RRM1: variants seen among roughly 807,000 people sequenced by gnomAD.
The protein encoded by RRM1 is ribonucleotide reductase catalytic subunit M1, also known as ribonucleoside-diphosphate reductase large subunit.
A neutral mutation model predicts 101.5 loss-of-function variants in RRM1; 19 were observed. That is an observed-to-expected ratio of 0.19 (90% CI 0.13 to 0.27). The LOEUF is 0.27. Ranked by LOEUF, RRM1 falls within the 10% of genes least tolerant of loss-of-function variation. RRM1 has a pLI of 1.00. For synonymous variants in RRM1, 298 were observed against 323.4 expected, an observed-to-expected ratio of 0.92 and a Z score of 0.84; for missense variants, 500 against 962.9, an observed-to-expected ratio of 0.52 and a Z score of 6.36.
In RRM1 at chr11:4,105,968, T is replaced by C. The variant is rs946704347; in HGVS notation, c.109-78T>C. On this transcript the variant is annotated intron_variant, in intron 2 of 18. Transcript: ENST00000300738. ...CATGTACTACCACACCTGGCCATGATGGTTTTCTTAATTACTCTTTTAAGG... is the reference window on the plus strand; with the variant it reads ...CATGTACTACCACACCTGGCCATGACGGTTTTCTTAATTACTCTTTTAAGG... The C allele has an allele frequency of 4.0e-6, 5 of 1,246,196 alleles. No individual in the cohort carries two copies. The African/African-American group carries it at 6.0e-5, about 15-fold the overall frequency. 77.2% of individuals were successfully genotyped at this position (1,246,196 alleles called of 1,614,324 possible).
intron 1 of RRM1, among the ~76,000 whole-genome samples, 182 bp downstream of exon 1, chr11:4,095,213 T>G (rs1178503485): frequency 6.6e-6 from 1 of 151,688 alleles, no homozygotes; most frequent in Non-Finnish European, 1.5e-5. Flanking sequence ...GCCCCGAACC[T>G]CCTTCGGGCC....
chr11:4,120,092 A>T (rs772280049), intron 9 of RRM1, 164 bp downstream of exon 9: 1 of 527,884 alleles, frequency 1.9e-6, no homozygotes, highest in Non-Finnish European at 3.4e-6. Context: ...CTTTAAATGT[A>T]CAGTTTGATG....
In RRM1 at chr11:4,095,037, G is replaced by GA; in HGVS notation, c.19+6_19+7insA. 5 of 1,569,156 alleles carry GA rather than the reference G, an allele frequency of 3.2e-6. No individual in the cohort carries two copies. The highest frequency in any genetic ancestry group is 4.3e-6 in the Non-Finnish European group (5 of 1,157,250). The stretch of plus-strand genomic sequence containing the variant: ...GATGCATGTGATCAAGCGAGGTGAG[G>GA]GGGGGACGAGGTGGGCGAGAAGGAA... On this transcript the variant is annotated splice_region_variant and intron_variant, in intron 1 of 18. Transcript: ENST00000300738.
intron 5 of RRM1, among the ~76,000 whole-genome samples, chr11:4,111,265 G>T (rs2094565113): frequency 6.6e-6 from 1 of 151,816 alleles, no homozygotes; most frequent in Admixed American, 6.6e-5. Context: ...AAAAAAATTA[G>T]CTGGGCCTGG....
intron 7 of RRM1, among the ~76,000 whole-genome samples, chr11:4,115,473 A>G (rs2094571574): frequency 6.6e-6 from 1 of 151,844 alleles, no homozygotes; most frequent in African/African-American, 2.4e-5. Context: ...AGCAAGGAAC[A>G]GATTCTCCCT....
At chr11:4,116,309 T>C (rs935132272) in intron 7 of RRM1, 1 of 152,238 alleles carries the variant, frequency 6.6e-6, no homozygotes, top group Non-Finnish European at 1.5e-5. Context: ...GTCCAATCAC[T>C]GTGAACCAAA....
intron 2 of RRM1, among the ~76,000 whole-genome samples, 183 bp from the exon 3 acceptor site, chr11:4,105,863 C>CT (rs1281771559): frequency 2.6e-4 from 38 of 147,490 alleles, no homozygotes; most frequent in African/African-American, 5.7e-4. Context: ...CAACGCCTGG[C>CT]TTTTTTTTTT....
intron 15 of RRM1, among the ~76,000 whole-genome samples, chr11:4,130,312 T>TA: frequency 6.6e-6 from 1 of 151,872 alleles, no homozygotes; most frequent in East Asian, 1.9e-4. Flanking sequence ...AGATAAGACT[T>TA]GTTAATGGTG....
At chr11:4,129,289 A>G in intron 15 of RRM1, 139 bp downstream of exon 15, 3 of 524,560 alleles carry the variant, frequency 5.7e-6, no homozygotes, top group Non-Finnish European at 1.0e-5. Flanking sequence ...ATCTCACAAA[A>G]CTATTTTGGG....
At position 4,119,826 on chromosome 11, in the gene RRM1, A is replaced by G. The variant is rs367881687; in HGVS notation, c.793-19A>G. 2.3e-5 allele frequency: 35 copies of G among 1,516,144 alleles called. No individual in the cohort carries two copies. The African/African-American group carries it at 2.3e-4, about 10-fold the overall frequency. 93.9% of individuals were successfully genotyped at this position (1,516,144 alleles called of 1,614,324 possible). A position where few individuals can be genotyped will look rare whatever the true frequency, so the allele number is the denominator to read the frequency against. On this transcript the variant is annotated intron_variant, in intron 8 of 18. Transcript: ENST00000300738. ...TTGCTGAGTGCCCTCTGTCATTTCT[A>G]TCATGGTCTCTCTTTTAGACTAATG...
chr11:4,115,040 A>G (rs1033580761), intron 7 of RRM1, among the ~76,000 whole-genome samples: 3 of 152,158 alleles, frequency 2.0e-5, no homozygotes, highest in Admixed American at 1.3e-4. Context: ...ATTTCTCTAA[A>G]ACATGATTAA....
chr11:4,117,806 T>C (rs1234278658), intron 7 of RRM1, among the ~76,000 whole-genome samples: 1 of 152,228 alleles, frequency 6.6e-6, no homozygotes, highest in Non-Finnish European at 1.5e-5. Context: ...TAGAGTAAGG[T>C]TCCTGAGGTG....
intron 1 of RRM1, among the ~76,000 whole-genome samples, chr11:4,101,565 C>CAA (rs1565178678): frequency 0.021 from 680 of 32,288 alleles, 135 homozygotes; most frequent in African/African-American, 0.035. Context: ...CCACACCCCC[C>CAA]CCCGCTCCCT....
chr11:4,099,704 T>C, intron 1 of RRM1, among the ~76,000 whole-genome samples: 1 of 152,098 alleles, frequency 6.6e-6, no homozygotes, highest in Non-Finnish European at 1.5e-5. Context: ...GAGGATAATG[T>C]AGGCAGTGAG....
Position 4,111,932 on chromosome 11 carries a change from G to A in RRM1, c.520G>A (p.Val174Ile). 1 of 1,614,076 alleles carries A rather than the reference G, an allele frequency of 6.2e-7. No homozygotes were observed. The highest frequency in any genetic ancestry group is 8.5e-7 in the Non-Finnish European group (1 of 1,179,958). Residue 174 changes from valine (V) to isoleucine (I), a missense_variant, in exon 7 of 19, where the codon GTA (valine) becomes ATA (isoleucine). By Grantham distance (29) the Val-to-Ile change is conservative. Around this residue, in one of 9 missense-constraint regions of RRM1, gnomAD observed 111 missense variants for 219.8 expected, o/e 0.51. Coordinates refer to ENST00000300738, the MANE Select transcript of RRM1 (RefSeq NM_001033.5). ...AAGACCACAACATATGTTGATGAGA[G>A]TATCTGTTGGGATCCACAAAGAAGA... The part of the protein sequence containing the change: ...AERPQHMLMR[V>I]SVGIHKEDID...
chr11:4,118,232 TTTGCCTTAG>T, intron 7 of RRM1, 79 bp from the exon 8 acceptor site: 1 of 1,259,888 alleles, frequency 7.9e-7, no homozygotes, highest in South Asian at 1.6e-5. Context: ...TTTTTTTTTT[TTTGCCTTAG>T]TGTCTTTGTG....
Position 4,122,089 on chromosome 11 carries a change from A to G in RRM1, c.1039-52A>G, listed in dbSNP as rs72555787. On this transcript the variant is annotated intron_variant, in intron 10 of 18. Transcript: ENST00000300738. ...ATGCTTGCAGTGTTTCTAATGGATT[A>G]TGGTTGGCTATTTGAAGTTTCTTAT... The G allele has an allele frequency of 2.8e-4, 372 of 1,341,486 alleles. 1 individual carries two copies. The Middle Eastern group carries it at 4.0e-3, about 14-fold the overall frequency. 83.1% of individuals were successfully genotyped at this position (1,341,486 alleles called of 1,614,324 possible). A position where few individuals can be genotyped will look rare whatever the true frequency, so the allele number is the denominator to read the frequency against.
chr11:4,099,717 G>C (rs1174042120), intron 1 of RRM1, among the ~76,000 whole-genome samples: 1 of 152,160 alleles, frequency 6.6e-6, no homozygotes, highest in Middle Eastern at 3.2e-3. Context: ...GCAGTGAGAA[G>C]CAGGGATTAG....
intron 7 of RRM1, among the ~76,000 whole-genome samples, chr11:4,112,773 G>T (rs1485938848): frequency 1.3e-5 from 2 of 152,144 alleles, no homozygotes; most frequent in Admixed American, 6.6e-5. Context: ...AGATTAGGGA[G>T]GTGAAAGTAG....
Sources: gnomAD v4.1 joint callset for allele counts (sites outside exome capture counted in the v4.1 genomes callset) on GRCh38, gnomAD v4.1.1 for gene constraint, gnomAD v4.1.1 regional missense constraint, MANE v1.5 for transcripts, NCBI Gene and HGNC (gene_info 2026-07-23, HGNC 2026-07-21) for gene names.